Variants in ARHGEF11 observed in about 807,000 individuals in gnomAD.
ARHGEF11 encodes the protein Rho guanine exchange factor (GEF) 11.
Under a neutral mutation model 193.7 loss-of-function variants are expected in ARHGEF11, and 55 were observed. That is an observed-to-expected ratio of 0.28 (90% CI 0.23 to 0.36). The LOEUF (loss-of-function observed/expected upper bound fraction) is 0.36, where lower values mean the gene tolerates loss of function less well. Ranked by LOEUF, ARHGEF11 falls within the 10% of genes least tolerant of loss-of-function variation. The probability of loss-of-function intolerance (pLI) is 1.00; values close to 1 mark genes in which losing one functional copy is unlikely to be tolerated. For missense variants in ARHGEF11, 1,723 were observed against 2,005.6 expected (o/e 0.86, Z 2.69); for synonymous variants, 693 against 768.0 (o/e 0.90, Z 1.62).
chr1:156,947,147 G>C, intron 26 of ARHGEF11, 132 bp from the exon 27 acceptor site: 4 of 1,450,112 alleles, frequency 2.8e-6, no homozygotes, highest in Non-Finnish European at 3.8e-6. Flanking sequence ...CTTTCGGGGT[G>C]AACTCCAGTG....
Position 156,976,970 on chromosome 1 carries a change from G to A in ARHGEF11, c.582+13C>T. On this transcript the variant is annotated intron_variant, in intron 7 of 40. Transcript: ENST00000368194. ...TCAGGCAATGGCCAGTCTACCCTTGGCAGTGACCTTACCTGTAATTCTTTT... is the reference window on the plus strand; with the variant it reads ...TCAGGCAATGGCCAGTCTACCCTTGACAGTGACCTTACCTGTAATTCTTTT... The A allele has an allele frequency of 1.9e-6, 3 of 1,612,484 alleles. No homozygotes were observed. The highest frequency in any genetic ancestry group is 2.5e-6 in the Non-Finnish European group (3 of 1,178,524).
At chr1:156,955,852 G>A in intron 19 of ARHGEF11, 53 bp from the exon 20 acceptor site, 1 of 1,400,652 alleles carries the variant, frequency 7.1e-7, no homozygotes, top group Non-Finnish European at 1.0e-6. Flanking sequence ...ACCCAGGCGT[G>A]GCTGCTAATC....
intron 7 of ARHGEF11, among the ~76,000 whole-genome samples, chr1:156,974,892 T>A (rs1323882582): frequency 6.6e-6 from 1 of 152,270 alleles, no homozygotes; most frequent in African/African-American, 2.4e-5. Flanking sequence ...ACAGACTATA[T>A]TTTGCTTATC....
intron 3 of ARHGEF11, 104 bp from the exon 4 acceptor site, chr1:156,980,590 C>G: frequency 1.5e-6 from 2 of 1,313,364 alleles, no homozygotes; most frequent in Non-Finnish European, 2.1e-6. Context: ...CCTCTTATTT[C>G]TCTGTGTTAA....
intron 1 of ARHGEF11, among the ~76,000 whole-genome samples, chr1:157,031,956 C>A (rs1343222237): frequency 1.3e-5 from 2 of 152,200 alleles, no homozygotes; most frequent in Non-Finnish European, 2.9e-5. Context: ...AACCTGGGAT[C>A]AGTTTGAGAA....
Position 156,961,679 on chromosome 1 carries a change from C to A in ARHGEF11, c.1237G>T (p.Ala413Ser), listed in dbSNP as rs776589376. ...DIWNIFLEKN[A>S]PLRVKIPEML... ...AATCCAATCTATGACTGCCTTACCG[C>A]ATTTTTCTCCAGGAAAATATTCCAG... Residue 413 changes from alanine (A) to serine (S), a missense_variant and splice_region_variant, in exon 14 of 41, where the codon GCG (alanine) becomes TCG (serine). By Grantham distance (99) the Ala-to-Ser change is moderately conservative (BLOSUM62 1). Around this residue, in one of 5 missense-constraint regions of ARHGEF11, gnomAD observed 646 missense variants for 710.7 expected, o/e 0.91. Coordinates refer to ENST00000368194, the MANE Select transcript of ARHGEF11 (RefSeq NM_198236.3). 6.2e-7 allele frequency: 1 copy of A among 1,613,728 alleles called. No individual in the cohort carries two copies. Among genetic ancestry groups the A allele is most frequent in the African/African-American group, 1.3e-5 (1 of 74,920 alleles).
rs538026786 is a variant in ARHGEF11, at chr1:157,015,352, C to T, written c.32+28947G>A. ...ATTATACGCAGCTATGAAATGGGGACGCTCACAGGCTGTTATGAGGATTAA... is the reference window on the plus strand; with the variant it reads ...ATTATACGCAGCTATGAAATGGGGATGCTCACAGGCTGTTATGAGGATTAA... On this transcript the variant is annotated intron_variant, in intron 1 of 40. Transcript: ENST00000368194. 1.1e-4 allele frequency among the ~76,000 whole-genome samples: 17 copies of T among 152,240 alleles called. No individual in the cohort carries two copies. In the East Asian group the frequency reaches 1.5e-3, roughly 14 times the overall value.
chr1:157,004,446 C>G (rs954867080), intron 1 of ARHGEF11, among the ~76,000 whole-genome samples: 2 of 152,288 alleles, frequency 1.3e-5, no homozygotes, highest in South Asian at 2.1e-4. Context: ...CAATTACAGG[C>G]AAGCTCAAGG....
At position 157,044,414 on chromosome 1, in the gene ARHGEF11, G is replaced by A. The variant is rs775132704; in HGVS notation, c.-84C>T. The A allele has an allele frequency of 2.2e-6, 3 of 1,335,416 alleles. No homozygotes were observed. Among genetic ancestry groups the A allele is most frequent in the Non-Finnish European group, 3.2e-6 (3 of 928,720 alleles). 82.7% of individuals were successfully genotyped at this position (1,335,416 alleles called of 1,614,324 possible). On this transcript the variant is annotated 5_prime_UTR_variant, in exon 1 of 41. Coordinates refer to ENST00000368194, the MANE Select transcript of ARHGEF11 (RefSeq NM_198236.3). ...TGAATCGCTTGCAATTTTTGAGCAA[G>A]GTGAGAGGAGGGCCTCCCAACTTGA...
intron 15 of ARHGEF11, among the ~76,000 whole-genome samples, chr1:156,960,055 C>A (rs140658111): frequency 6.6e-6 from 1 of 151,458 alleles, no homozygotes; most frequent in African/African-American, 2.4e-5. Flanking sequence ...TGACAATCAA[C>A]CTGGCTGAGG....
intron 1 of ARHGEF11, among the ~76,000 whole-genome samples, chr1:156,996,217 T>C (rs976413216): frequency 6.6e-6 from 1 of 152,332 alleles, no homozygotes; most frequent in African/African-American, 2.4e-5. Context: ...ATGCCCCAGA[T>C]TGCTACAACT....
intron 7 of ARHGEF11, among the ~76,000 whole-genome samples, chr1:156,976,224 A>G (rs1663234365): frequency 6.6e-6 from 1 of 152,122 alleles, no homozygotes; most frequent in Non-Finnish European, 1.5e-5. Flanking sequence ...CTGTCTTTTC[A>G]CTGGCATTCC....
intron 2 of ARHGEF11, 90 bp from the exon 3 acceptor site, chr1:156,984,527 TTTC>T (rs1664654853): frequency 2.3e-6 from 2 of 852,366 alleles, no homozygotes; most frequent in Admixed American, 4.7e-5. Flanking sequence ...CCCCAGTGCC[TTTC>T]TTCTTCAAGA....
At chr1:156,983,925 A>G (rs1279432960) in intron 3 of ARHGEF11, among the ~76,000 whole-genome samples, 1 of 152,200 alleles carries the variant, frequency 6.6e-6, no homozygotes, top group Non-Finnish European at 1.5e-5. Flanking sequence ...AATCATTTGG[A>G]CCATTGTGCC....
intron 35 of ARHGEF11, among the ~76,000 whole-genome samples, chr1:156,941,062 T>TGG (rs1656773511): frequency 1.3e-5 from 2 of 152,018 alleles, no homozygotes; most frequent in Non-Finnish European, 2.9e-5. Context: ...CAGTAACCCC[T>TGG]GGCTGGAGGA....
intron 37 of ARHGEF11, chr1:156,938,788 G>A (rs1428410322): frequency 4.6e-6 from 2 of 439,548 alleles, no homozygotes; most frequent in Non-Finnish European, 8.1e-6. Context: ...CTGCTGGAAG[G>A]GAGGCAGAGT....
chr1:156,948,920 C>T lies in ARHGEF11; in HGVS notation c.1926-422G>A, dbSNP rs1405207649. 1 of 985,316 alleles carries T rather than the reference C, an allele frequency of 1.0e-6. No individual in the cohort carries two copies. The highest frequency in any genetic ancestry group is 1.2e-6 in the Non-Finnish European group (1 of 829,920). 61.0% of individuals were successfully genotyped at this position (985,316 alleles called of 1,614,324 possible). On this transcript the variant is annotated intron_variant, in intron 22 of 40. Coordinates refer to ENST00000368194, the MANE Select transcript of ARHGEF11 (RefSeq NM_198236.3). This position sits in a 1 kb window ranked among gnomAD's most constrained non-coding sequence, Gnocchi z 4.2. ...TGCCCCTAGTGGCCAGTTCACGTTG[C>T]CTCTGCTTTGGAACGGGTCAGCTCC...
chr1:156,936,239 C>A (rs535258833), intron 40 of ARHGEF11, 181 bp from the exon 41 acceptor site: 29 of 781,112 alleles, frequency 3.7e-5, no homozygotes, highest in Non-Finnish European at 6.9e-5. Flanking sequence ...TTCATCAGCG[C>A]CTAAAGCCCT....
At chr1:156,993,080 C>T (rs1665995807) in intron 1 of ARHGEF11, among the ~76,000 whole-genome samples, 1 of 152,158 alleles carries the variant, frequency 6.6e-6, no homozygotes, top group Non-Finnish European at 1.5e-5. Context: ...GTGCTAAGCA[C>T]TTGATATAAC....
Sources: gnomAD v4.1 joint callset for allele counts (sites outside exome capture counted in the v4.1 genomes callset) on GRCh38, gnomAD v4.1.1 for gene constraint, gnomAD v4.1.1 regional missense constraint, Gnocchi (gnomAD v3.1) non-coding constraint, MANE v1.5 for transcripts, NCBI Gene and HGNC (gene_info 2026-07-23, HGNC 2026-07-21) for gene names.